BCAS3: variants seen among roughly 807,000 people sequenced by gnomAD.
BCAS3 encodes BCAS3 microtubule associated cell migration factor.
In BCAS3, 53 loss-of-function variants were observed where a neutral mutation model predicts 116.1. The ratio of observed to expected loss-of-function variants is 0.46; its 90% confidence interval spans 0.37 to 0.57. The LOEUF is 0.57. BCAS3 is among the 20% of genes least tolerant of loss of function. The probability of loss-of-function intolerance (pLI) is 0.00; values close to 1 mark genes in which losing one functional copy is unlikely to be tolerated. For missense variants in BCAS3, 917 were observed against 1,165.4 expected (o/e 0.79, Z 3.10); for synonymous variants, 391 against 408.2 (o/e 0.96, Z 0.51).
In BCAS3 at chr17:61,144,534, T is replaced by C. The variant is rs1424426301; in HGVS notation, c.2425+59970T>C. Among the ~76,000 whole-genome samples, 1 of 152,270 alleles carries C rather than the reference T, an allele frequency of 6.6e-6. No individual in the cohort carries two copies. The highest frequency in any genetic ancestry group is 2.4e-5 in the African/African-American group (1 of 41,480). On this transcript the variant is annotated intron_variant, in intron 22 of 23. Coordinates refer to ENST00000407086, the MANE Select transcript of BCAS3 (RefSeq NM_017679.5). The surrounding 1 kb of genome is among the most constrained non-coding windows in gnomAD (Gnocchi z 5.0). ...CCCTTTTTAGGCCTAAAATGTTGAC[T>C]ACTTTATCTCTGTTACCTTTCTGAA...
In BCAS3 at chr17:61,008,646, C is replaced by T. The variant is rs1190319893; in HGVS notation, c.1487-7105C>T. ...CAATTCCACAGCAAGATATTAAAAA[C>T]AGTCCAAAAGCTTTGCTCTTCTGTA... is the stretch of plus-strand genomic sequence containing the variant. On this transcript the variant is annotated intron_variant, in intron 15 of 23. Transcript: ENST00000407086. The surrounding 1 kb of genome is among the most constrained non-coding windows in gnomAD (Gnocchi z 4.6). Among the ~76,000 whole-genome samples, 1 of 151,678 alleles carries T rather than the reference C, an allele frequency of 6.6e-6. No individual in the cohort carries two copies. The highest frequency in any genetic ancestry group is 1.5e-5 in the Non-Finnish European group (1 of 67,892).
rs1015134995 is a variant in BCAS3, at chr17:61,302,689, T to A, written c.2426-65638T>A. The stretch of plus-strand genomic sequence containing the variant: ...ACAGAATTCTAGAATTCATATTTTT[T>A]TTTCAGCTTTGAAAGAACAGACAAC... On this transcript the variant is annotated intron_variant, in intron 22 of 23. Coordinates refer to ENST00000407086, the MANE Select transcript of BCAS3 (RefSeq NM_017679.5). This position sits in a 1 kb window ranked among gnomAD's most constrained non-coding sequence, Gnocchi z 4.4. Among the ~76,000 whole-genome samples, 2 of 152,202 alleles carry A rather than the reference T, an allele frequency of 1.3e-5. No individual in the cohort carries two copies. The highest frequency in any genetic ancestry group is 4.8e-5 in the African/African-American group (2 of 41,450).
chr17:61,242,703 T>C (rs1158395279), intron 22 of BCAS3, among the ~76,000 whole-genome samples: 1 of 152,222 alleles, frequency 6.6e-6, no homozygotes, highest in Non-Finnish European at 1.5e-5. Flanking sequence ...GCCTTGTTTT[T>C]GCTTACATAA....
Position 61,343,583 on chromosome 17 carries a change from A to G in BCAS3, c.2426-24744A>G, listed in dbSNP as rs189990268. On this transcript the variant is annotated intron_variant, in intron 22 of 23. Coordinates refer to ENST00000407086, the MANE Select transcript of BCAS3 (RefSeq NM_017679.5). The surrounding 1 kb of genome is among the most constrained non-coding windows in gnomAD (Gnocchi z 5.5). ...TTGATGTGAGGCCCCTTGGAGAAGT[A>G]CTGGTTGAGGAAGCGTATGCAGAGG... Among the ~76,000 whole-genome samples the G allele has an allele frequency of 2.6e-5, 4 of 152,324 alleles. No homozygotes were observed. Among genetic ancestry groups the G allele is most frequent in the African/African-American group, 4.8e-5 (2 of 41,576 alleles).
At position 61,362,537 on chromosome 17, in the gene BCAS3, C is replaced by G. The variant is rs552414374; in HGVS notation, c.2426-5790C>G. Among the ~76,000 whole-genome samples the G allele has an allele frequency of 6.6e-6, 1 of 152,314 alleles. No individual in the cohort carries two copies. Among genetic ancestry groups the G allele is most frequent in the South Asian group, 2.1e-4 (1 of 4,830 alleles). On this transcript the variant is annotated intron_variant, in intron 22 of 23. Transcript: ENST00000407086. The surrounding 1 kb of genome is among the most constrained non-coding windows in gnomAD (Gnocchi z 4.4). ...TCCCCCTCCACCTGCAGTCACTAGG[C>G]TTCCTTGCCTCTTTAACAATGGTGT...
At chr17:61,044,502 T>C (rs2067864049) in intron 19 of BCAS3, among the ~76,000 whole-genome samples, 1 of 148,540 alleles carries the variant, frequency 6.7e-6, no homozygotes, top group Non-Finnish European at 1.5e-5. Context: ...TAACTCTTGT[T>C]TATATCAGTC....
At chr17:61,042,912 A>AAAAAAAAAAAAAG (rs1555682974) in intron 19 of BCAS3, among the ~76,000 whole-genome samples, 1 of 143,704 alleles carries the variant, frequency 7.0e-6, no homozygotes, top group African/African-American at 2.7e-5. Context: ...AAAAAAAAAA[A>AAAAAAAAAAAAAG]AAAGAAAGAA....
chr17:60,981,115 C>A (rs761730294), intron 14 of BCAS3, among the ~76,000 whole-genome samples: 19 of 152,092 alleles, frequency 1.2e-4, no homozygotes, highest in Non-Finnish European at 2.1e-4. Context: ...GGATTATAGG[C>A]ATGAGCTACC....
chr17:60,890,248 G>A (rs1015140844), intron 10 of BCAS3, among the ~76,000 whole-genome samples: 2 of 152,112 alleles, frequency 1.3e-5, no homozygotes, highest in Admixed American at 1.3e-4. Context: ...GAGGTCAGGA[G>A]TTCGAGACCA....
intron 22 of BCAS3, among the ~76,000 whole-genome samples, chr17:61,179,370 C>G (rs566255829): frequency 1.1e-4 from 16 of 149,572 alleles, no homozygotes; most frequent in Non-Finnish European, 2.2e-4. Flanking sequence ...TGTCTGCAGT[C>G]ATGGATAATT....
At chr17:61,155,538 T>C (rs1487254696) in intron 22 of BCAS3, among the ~76,000 whole-genome samples, 1 of 150,932 alleles carries the variant, frequency 6.6e-6, no homozygotes, top group African/African-American at 2.4e-5. Flanking sequence ...GAATCTTAAA[T>C]TGGTCACCCA....
At chr17:60,754,147 T>G (rs2042765475) in intron 6 of BCAS3, among the ~76,000 whole-genome samples, 1 of 152,152 alleles carries the variant, frequency 6.6e-6, no homozygotes, top group Admixed American at 6.5e-5. Context: ...GTGATCCTCC[T>G]GCCTTGGCCT....
At chr17:61,018,959 A>G (rs992438489) in intron 16 of BCAS3, among the ~76,000 whole-genome samples, 1 of 151,978 alleles carries the variant, frequency 6.6e-6, no homozygotes, top group Non-Finnish European at 1.5e-5. Flanking sequence ...CTCACCATCT[A>G]CTATTTTTTA....
rs35551914 is a variant in BCAS3 at position 61,194,740 on chromosome 17, CA to C, written c.2425+110194del. Among the ~76,000 whole-genome samples, 731 of 122,838 alleles carry C rather than the reference CA, an allele frequency of 6.0e-3. 5 individuals are homozygous for C. Among genetic ancestry groups the C allele is most frequent in the African/African-American group, 0.021 (639 of 30,224 alleles). The allele number at this position is 122,838 out of a possible 152,430, so 80.6% of individuals were successfully genotyped here. ...GGGCAACAAGAGCAAGACTCTGTCT[CA>C]AAAAAAAAAAAAAAAAAGATATACT... On this transcript the variant is annotated intron_variant, in intron 22 of 23. Coordinates refer to ENST00000407086, the MANE Select transcript of BCAS3 (RefSeq NM_017679.5).
intron 6 of BCAS3, among the ~76,000 whole-genome samples, chr17:60,777,180 A>G (rs2045383232): frequency 6.6e-6 from 1 of 152,134 alleles, no homozygotes; most frequent in Admixed American, 6.5e-5. Context: ...TAGGGAAAAA[A>G]TGGCTGCAGA....
intron 6 of BCAS3, among the ~76,000 whole-genome samples, chr17:60,751,511 T>A (rs892935551): frequency 2.7e-5 from 4 of 150,402 alleles, no homozygotes; most frequent in Admixed American, 6.7e-5. Context: ...TCCTTTAATA[T>A]GTTTTTAATT....
intron 22 of BCAS3, among the ~76,000 whole-genome samples, chr17:61,149,050 C>T (rs1000816766): frequency 3.3e-5 from 5 of 152,090 alleles, no homozygotes; most frequent in African/African-American, 1.2e-4. Flanking sequence ...CTAGAAAAGG[C>T]ACACAAATAC....
Position 61,286,390 on chromosome 17 carries a change from G to T in BCAS3, c.2426-81937G>T, listed in dbSNP as rs1403699473. Among the ~76,000 whole-genome samples, 1 of 152,200 alleles carries T rather than the reference G, an allele frequency of 6.6e-6. No individual in the cohort carries two copies. Among genetic ancestry groups the T allele is most frequent in the African/African-American group, 2.4e-5 (1 of 41,440 alleles). On this transcript the variant is annotated intron_variant, in intron 22 of 23. Transcript: ENST00000407086. The surrounding 1 kb of genome is among the most constrained non-coding windows in gnomAD (Gnocchi z 4.8). The stretch of plus-strand genomic sequence containing the variant: ...CCCACTCCTGTGCTGGTGAAGTCTG[G>T]CGTGTGGAGAGGCCTCTGGTTATTG...
chr17:60,949,049 G>A (rs931918067), intron 14 of BCAS3, among the ~76,000 whole-genome samples: 5 of 151,154 alleles, frequency 3.3e-5, no homozygotes. Flanking sequence ...GCTAATTTTT[G>A]TATGTTTAGC....
Sources: allele counts gnomAD v4.1 joint callset (sites outside exome capture counted in the v4.1 genomes callset), GRCh38; gene constraint gnomAD v4.1.1; non-coding constraint Gnocchi (gnomAD v3.1); transcripts MANE v1.5; gene names NCBI Gene and HGNC (gene_info 2026-07-23, HGNC 2026-07-21).